The following ADGRL2 variants were observed in gnomAD, a reference collection of about 807,000 sequenced individuals.
ADGRL2 encodes the protein adhesion G protein-coupled receptor L2, also known as calcium-independent alpha-latrotoxin receptor 2.
Under a neutral mutation model 157.4 loss-of-function variants are expected in ADGRL2, and 44 were observed. The observed-to-expected ratio is 0.28, with a 90% CI of 0.22 to 0.36. The LOEUF is 0.36. Among genes scored for constraint, ADGRL2 ranks in the 10% least tolerant of loss-of-function variants. The pLI is 1.00. For missense variants in ADGRL2, 1,510 were observed against 1,768.9 expected (o/e 0.85, Z 2.63); for synonymous variants, 585 against 624.7 (o/e 0.94, Z 0.95).
At position 81,605,802 on chromosome 1, in the gene ADGRL2, T is replaced by A. The variant is rs149231371; in HGVS notation, c.-143+24822T>A. Among the ~76,000 whole-genome samples, 43 of 152,340 alleles carry A rather than the reference T, an allele frequency of 2.8e-4. No individual in the cohort carries two copies. The East Asian group carries it at 7.9e-3, about 28-fold the overall frequency. On this transcript the variant is annotated intron_variant, in intron 3 of 24. Coordinates refer to the ADGRL2 transcript ENST00000370721. Reference sequence around the variant, plus strand: ...ATTGTCTGTGAATTAGATTTTGCAGTCTTGAAAATAGCCATGCAAATTACC... The same window carrying A: ...ATTGTCTGTGAATTAGATTTTGCAGACTTGAAAATAGCCATGCAAATTACC...
chr1:81,596,469 G>A (rs758843602), intron 3 of ADGRL2: 8 of 452,198 alleles, frequency 1.8e-5, no homozygotes, highest in Non-Finnish European at 3.4e-5. Flanking sequence ...TGTCACCTCC[G>A]GCTCCAAGGG....
intron 1 of ADGRL2, among the ~76,000 whole-genome samples, chr1:81,382,237 A>G (rs1172493100): frequency 2.0e-5 from 3 of 152,162 alleles, no homozygotes; most frequent in Non-Finnish European, 2.9e-5. Context: ...AATCACATCA[A>G]CATTCATCGC....
chr1:81,491,335 G>C (rs2078628847), intron 2 of ADGRL2, among the ~76,000 whole-genome samples: 3 of 152,102 alleles, frequency 2.0e-5, no homozygotes, highest in African/African-American at 4.8e-5. Context: ...GTCTAGTCTA[G>C]GTGAGATTCT....
At chr1:81,862,664 T>C (rs1209800018) in intron 2 of ADGRL2, among the ~76,000 whole-genome samples, 1 of 152,222 alleles carries the variant, frequency 6.6e-6, no homozygotes. Context: ...GCTGGATTTG[T>C]ATTTTATAAA....
At chr1:81,446,644 G>T (rs2077602440) in intron 2 of ADGRL2, among the ~76,000 whole-genome samples, 1 of 152,040 alleles carries the variant, frequency 6.6e-6, no homozygotes, top group Non-Finnish European at 1.5e-5. Flanking sequence ...TAACACCCAG[G>T]GATGGCTTAC....
chr1:81,831,665 A>G (rs1020734438), intron 1 of ADGRL2, among the ~76,000 whole-genome samples: 3 of 152,124 alleles, frequency 2.0e-5, no homozygotes, highest in African/African-American at 7.2e-5. Flanking sequence ...GAGTAAGCAC[A>G]CTGTTATCTA....
rs190963902 is a variant in ADGRL2, at chr1:81,868,145, G to A, written c.73+31088G>A. 1.6e-3 allele frequency among the ~76,000 whole-genome samples: 249 copies of A among 151,636 alleles called. 2 individuals are homozygous for A. The highest frequency in any genetic ancestry group is 3.2e-3 in the Non-Finnish European group (214 of 67,912). ...TGAAGAGGTTTTATTGTTAAAATCC[G>A]TGCCACTGCTATGTGCTAGGCATTG... On this transcript the variant is annotated intron_variant, in intron 2 of 23. Transcript: ENST00000686636.
rs141787293 is a variant in ADGRL2 at position 81,989,405 on chromosome 1, C to T, written c.3656-986C>T. 3.8e-3 allele frequency among the ~76,000 whole-genome samples: 585 copies of T among 152,222 alleles called. 4 individuals are homozygous for T. The highest frequency in any genetic ancestry group is 0.013 in the African/African-American group (525 of 41,540). Reference sequence around the variant, plus strand: ...GTACAGTGGACTCTGCTGGTTCATTCGGTGCTGTCACTGTGACTGATGCAG... The same window carrying T: ...GTACAGTGGACTCTGCTGGTTCATTTGGTGCTGTCACTGTGACTGATGCAG... On this transcript the variant is annotated intron_variant, in intron 23 of 23. Transcript: ENST00000686636.
chr1:81,763,178 C>CAA (rs529404949), intron 2 of ADGRL2, among the ~76,000 whole-genome samples: 224 of 150,256 alleles, frequency 1.5e-3, no homozygotes, highest in African/African-American at 4.9e-3. Flanking sequence ...ATAACCAGAA[C>CAA]AAAAACATTA....
intron 1 of ADGRL2, among the ~76,000 whole-genome samples, chr1:81,714,737 C>T (rs1402609286): frequency 6.6e-6 from 1 of 152,138 alleles, no homozygotes; most frequent in East Asian, 1.9e-4. Context: ...GTGCTACATA[C>T]TTGAATAGCT....
chr1:81,900,198 T>C (rs750402840), intron 2 of ADGRL2, among the ~76,000 whole-genome samples: 4 of 152,062 alleles, frequency 2.6e-5, no homozygotes, highest in Non-Finnish European at 4.4e-5. Context: ...CTTCTGAGGG[T>C]GGCAAATTCC....
chr1:81,981,707 A>G (rs1243868925), intron 18 of ADGRL2, 101 bp from the exon 19 acceptor site: 13 of 922,514 alleles, frequency 1.4e-5, no homozygotes, highest in Admixed American at 1.1e-4. Context: ...GAATGTGAAC[A>G]TAGAGAAAGT....
At chr1:81,544,134 A>G (rs1261340627) in intron 2 of ADGRL2, among the ~76,000 whole-genome samples, 1 of 152,050 alleles carries the variant, frequency 6.6e-6, no homozygotes, top group Non-Finnish European at 1.5e-5. Flanking sequence ...GATCCACTGC[A>G]TTTATCATCT....
At chr1:81,848,297 G>A (rs1179409045) in intron 2 of ADGRL2, among the ~76,000 whole-genome samples, 3 of 151,812 alleles carry the variant, frequency 2.0e-5, no homozygotes, top group East Asian at 3.9e-4. Flanking sequence ...CTGAGAGGTC[G>A]AAGTATTTTT....
chr1:81,959,034 C>T (rs1359425816), intron 11 of ADGRL2, among the ~76,000 whole-genome samples: 2 of 152,170 alleles, frequency 1.3e-5, no homozygotes, highest in African/African-American at 4.8e-5. Context: ...TGTATATCTA[C>T]TCACTTAGAC....
chr1:81,590,717 A>T (rs2081115934), intron 3 of ADGRL2, among the ~76,000 whole-genome samples: 1 of 152,064 alleles, frequency 6.6e-6, no homozygotes, highest in Non-Finnish European at 1.5e-5. Context: ...TTGCATGCTC[A>T]GTTTTTTTAT....
intron 2 of ADGRL2, among the ~76,000 whole-genome samples, chr1:81,450,966 A>G (rs982744119): frequency 1.3e-5 from 2 of 152,142 alleles, no homozygotes; most frequent in African/African-American, 4.8e-5. Context: ...TTTGACATTC[A>G]AAATACAGAA....
intron 3 of ADGRL2, among the ~76,000 whole-genome samples, chr1:81,659,162 C>T (rs559796266): frequency 1.2e-4 from 18 of 148,798 alleles, no homozygotes; most frequent in African/African-American, 3.5e-4. Context: ...CCTGGGTTCA[C>T]GTGATTCTCC....
rs530911887 is a variant in ADGRL2, at chr1:81,526,472, A to G, written c.-247-54404A>G. ...TAAAAAGATATGTATATATTTTTAGATACAATTAAGTTAACCTTTTAAAAA... is the reference window on the plus strand; with the variant it reads ...TAAAAAGATATGTATATATTTTTAGGTACAATTAAGTTAACCTTTTAAAAA... On this transcript the variant is annotated intron_variant, in intron 2 of 24. Transcript: ENST00000370721. Among the ~76,000 whole-genome samples, 21 of 152,344 alleles carry G rather than the reference A, an allele frequency of 1.4e-4. No individual in the cohort carries two copies. In the South Asian group the frequency reaches 4.1e-3, roughly 30 times the overall value.
Sources: allele counts gnomAD v4.1 joint callset (sites outside exome capture counted in the v4.1 genomes callset), GRCh38; gene constraint gnomAD v4.1.1; transcripts MANE v1.5; gene names NCBI Gene and HGNC (gene_info 2026-07-23, HGNC 2026-07-21).